The following HIVEP3 variants were observed in gnomAD, a reference collection of about 807,000 sequenced individuals.
HIVEP3 encodes the protein HIVEP zinc finger 3, also known as transcription factor HIVEP3.
A neutral mutation model predicts 152.8 loss-of-function variants in HIVEP3; 49 were observed. That is an observed-to-expected ratio of 0.32 (90% CI 0.26 to 0.41). HIVEP3 has a LOEUF of 0.41. Ranked by LOEUF, HIVEP3 falls within the 10% of genes least tolerant of loss-of-function variation. The pLI, the probability that HIVEP3 is intolerant of heterozygous loss-of-function variation, is 1.00. For missense variants in HIVEP3, 2,790 were observed against 3,103.3 expected (o/e 0.90, Z 2.40); for synonymous variants, 1,269 against 1,289.0 (o/e 0.98, Z 0.33).
At chr1:41,991,516 A>C (rs1331341947) in intron 1 of HIVEP3, among the ~76,000 whole-genome samples, 2 of 148,940 alleles carry the variant, frequency 1.3e-5, no homozygotes, top group African/African-American at 2.5e-5. Flanking sequence ...ATAGCTTACC[A>C]ACCAAAAAGA....
At chr1:41,553,806 G>C (rs1643925286) in intron 5 of HIVEP3, among the ~76,000 whole-genome samples, 1 of 152,186 alleles carries the variant, frequency 6.6e-6, no homozygotes, top group African/African-American at 2.4e-5. Flanking sequence ...TTTTCTTTAA[G>C]AATGTTGAAT....
At chr1:41,919,767 A>G (rs577395463), upstream of HIVEP3, among the ~76,000 whole-genome samples, 50 of 152,194 alleles carry the variant, frequency 3.3e-4, no homozygotes, top group Non-Finnish European at 6.9e-4. Context: ...AGCCACCCAG[A>G]TGGTGTTTAC....
intron 1 of HIVEP3, among the ~76,000 whole-genome samples, chr1:42,026,192 A>G (rs1645581270): frequency 6.6e-6 from 1 of 152,118 alleles, no homozygotes; most frequent in Non-Finnish European, 1.5e-5. Context: ...GGGTAGAGAG[A>G]ACTAGTTTTA....
In HIVEP3 at chr1:41,769,327, G is replaced by T. The variant is rs543636687; in HGVS notation, c.-800-68332C>A. On this transcript the variant is annotated intron_variant, in intron 1 of 8. Coordinates refer to ENST00000372583, the MANE Select transcript of HIVEP3 (RefSeq NM_024503.5). ...GGGTTACTGCTACATTAAGCAAAGGGTCATGTAGTATACAATCAAAAAGTA... is the reference window on the plus strand; with the variant it reads ...GGGTTACTGCTACATTAAGCAAAGGTTCATGTAGTATACAATCAAAAAGTA... Among the ~76,000 whole-genome samples, 8 of 152,292 alleles carry T rather than the reference G, an allele frequency of 5.3e-5. No individual in the cohort carries two copies. The East Asian group carries it at 5.8e-4, about 11-fold the overall frequency.
intron 1 of HIVEP3, among the ~76,000 whole-genome samples, chr1:41,703,433 G>A (rs879674229): frequency 5.3e-5 from 8 of 152,190 alleles, no homozygotes; most frequent in Admixed American, 6.5e-5. Flanking sequence ...GACTGCATGC[G>A]TCCGAATCCT....
At chr1:42,025,949 T>C (rs1645579355) in intron 1 of HIVEP3, among the ~76,000 whole-genome samples, 1 of 151,916 alleles carries the variant, frequency 6.6e-6, no homozygotes, top group Non-Finnish European at 1.5e-5. Context: ...TGTGTGCCTA[T>C]AGTCCCAGCT....
At chr1:41,986,436 G>A (rs116099830) in intron 1 of HIVEP3, among the ~76,000 whole-genome samples, 2,823 of 140,378 alleles carry the variant, frequency 0.02, 41 homozygotes, top group Non-Finnish European at 0.027. Context: ...TGTTGAATAG[G>A]ACTTTTTTTT....
intron 1 of HIVEP3, among the ~76,000 whole-genome samples, chr1:41,987,611 GCA>G (rs1381389811): frequency 6.6e-6 from 1 of 152,138 alleles, no homozygotes; most frequent in Non-Finnish European, 1.5e-5. Flanking sequence ...AGAAATAAAT[GCA>G]TGCATTTACA....
At chr1:41,591,342 G>T (rs989391732) in intron 3 of HIVEP3, among the ~76,000 whole-genome samples, 1 of 152,184 alleles carries the variant, frequency 6.6e-6, no homozygotes, top group African/African-American at 2.4e-5. Context: ...AGAGACCTGA[G>T]TTCCCCTAAA....
rs1177589708 is a variant in HIVEP3, at chr1:41,728,994, T to C, written c.-800-27999A>G. Among the ~76,000 whole-genome samples, 4 of 152,294 alleles carry C rather than the reference T, an allele frequency of 2.6e-5. No individual in the cohort carries two copies. The East Asian group carries it at 7.7e-4, about 29-fold the overall frequency. On this transcript the variant is annotated intron_variant, in intron 1 of 8. Transcript: ENST00000372583. ...CACACTGCTGCCCACAATCTCCACG[T>C]GGCTGCAATCTCGCTCTCAGTCACC...
At chr1:41,996,078 T>G (rs916412603) in intron 1 of HIVEP3, among the ~76,000 whole-genome samples, 2 of 152,106 alleles carry the variant, frequency 1.3e-5, no homozygotes, top group African/African-American at 2.4e-5. Flanking sequence ...CCACTATGTC[T>G]GTGGTCTCAG....
intron 2 of HIVEP3, among the ~76,000 whole-genome samples, chr1:41,652,208 C>T (rs1186011532): frequency 2.0e-5 from 3 of 152,306 alleles, no homozygotes; most frequent in Admixed American, 6.5e-5. Context: ...CACTTCATCA[C>T]GAGTTAGTTC....
At chr1:41,895,322 C>T (rs542834141) in intron 1 of HIVEP3, among the ~76,000 whole-genome samples, 47 of 152,306 alleles carry the variant, frequency 3.1e-4, no homozygotes, top group Non-Finnish European at 5.6e-4. Context: ...AAACTCATCT[C>T]CCCCTACACA....
rs182381539 is a variant in HIVEP3, at chr1:41,854,545, C to A, written c.-801+63868G>T. Among the ~76,000 whole-genome samples, 544 of 101,598 alleles carry A rather than the reference C, an allele frequency of 5.4e-3. 4 individuals are homozygous for A. The highest frequency in any genetic ancestry group is 0.03 in the Middle Eastern group (5 of 168). 66.7% of individuals were successfully genotyped at this position (101,598 alleles called of 152,430 possible). On this transcript the variant is annotated intron_variant, in intron 1 of 8. Transcript: ENST00000372583. ...TTTTTTTTTTTTTTTTTTTTATACT[C>A]TAAGTTTTAGGGTACATGTGCACAT...
At chr1:41,719,635 C>T (rs922550542) in intron 1 of HIVEP3, among the ~76,000 whole-genome samples, 7 of 152,214 alleles carry the variant, frequency 4.6e-5, no homozygotes, top group Non-Finnish European at 8.8e-5. Flanking sequence ...AAGTCTTAGG[C>T]TCATTGGAAA....
chr1:41,915,938 G>C (rs1644864286), intron 1 of HIVEP3, among the ~76,000 whole-genome samples: 1 of 152,162 alleles, frequency 6.6e-6, no homozygotes. Flanking sequence ...ACAGGATGGA[G>C]AACAGCATGT....
chr1:41,660,267 T>C (rs573424630), intron 2 of HIVEP3, among the ~76,000 whole-genome samples: 1 of 152,380 alleles, frequency 6.6e-6, no homozygotes, highest in Non-Finnish European at 1.5e-5. Flanking sequence ...GGTTGAACTT[T>C]ACATGCTAAA....
chr1:41,845,991 C>T (rs1336050528), intron 1 of HIVEP3, among the ~76,000 whole-genome samples: 1 of 152,112 alleles, frequency 6.6e-6, no homozygotes, highest in Non-Finnish European at 1.5e-5. Flanking sequence ...TGCTTGAACC[C>T]GGGAGACAGT....
chr1:41,744,116 T>C (rs1647035583), intron 1 of HIVEP3, among the ~76,000 whole-genome samples: 1 of 152,106 alleles, frequency 6.6e-6, no homozygotes, highest in Admixed American at 6.5e-5. Context: ...CTTGACTCAC[T>C]GCAACCTCCG....
Sources: allele counts gnomAD v4.1 joint callset (sites outside exome capture counted in the v4.1 genomes callset), GRCh38; gene constraint gnomAD v4.1.1; transcripts MANE v1.5; gene names NCBI Gene and HGNC (gene_info 2026-07-23, HGNC 2026-07-21).